IL34: variants seen among roughly 807,000 people sequenced by gnomAD.
IL34 encodes interleukin 34, also known as interleukin-34.
Under a neutral mutation model 25.3 loss-of-function variants are expected in IL34, and 17 were observed. The observed-to-expected ratio is 0.67, with a 90% CI of 0.46 to 1.01. The LOEUF is 1.01. Among genes scored for constraint, IL34 ranks in the 50% least tolerant of loss-of-function variants. The probability of loss-of-function intolerance (pLI) is 0.00; values close to 1 mark genes in which losing one functional copy is unlikely to be tolerated. For missense variants in IL34, 368 were observed against 312.9 expected, an observed-to-expected ratio of 1.18 and a Z score of -1.33; for synonymous variants, 174 against 140.9, an observed-to-expected ratio of 1.23 and a Z score of -1.66.
At chr16:70,598,030 G>C (rs1308230930) in intron 1 of IL34, among the ~76,000 whole-genome samples, 6 of 152,154 alleles carry the variant, frequency 3.9e-5, no homozygotes, top group Non-Finnish European at 8.8e-5. Context: ...ATTTTTAGTA[G>C]AGACGGGGTT....
Position 70,637,060 on chromosome 16 carries a change from C to T in IL34, c.-400-9488C>T, listed in dbSNP as rs540839420. Among the ~76,000 whole-genome samples the T allele has an allele frequency of 9.9e-5, 15 of 151,954 alleles. No homozygotes were observed. In the East Asian group the frequency reaches 2.2e-3, roughly 22 times the overall value. On this transcript the variant is annotated intron_variant, in intron 1 of 6. Coordinates refer to the IL34 transcript ENST00000429149. ...TATTTTTAGTAGAGACGGGGTTTTA[C>T]TGTGTTAGCCAGGATGGTCTCGATC...
intron 1 of IL34, among the ~76,000 whole-genome samples, chr16:70,636,134 G>T (rs1171786784): frequency 6.6e-6 from 1 of 151,874 alleles, no homozygotes; most frequent in African/African-American, 2.4e-5. Flanking sequence ...CACCTCCCAG[G>T]TTCAAGTAAT....
upstream of IL34, among the ~76,000 whole-genome samples, chr16:70,645,161 A>AGGAAGGAGG (rs1567461268): frequency 0.02 from 2,964 of 150,534 alleles, 104 homozygotes; most frequent in African/African-American, 0.07. Context: ...GGAGGAAGAG[A>AGGAAGGAGG]AGGAGGAAGA....
intron 1 of IL34, among the ~76,000 whole-genome samples, chr16:70,638,756 A>G (rs1290063106): frequency 6.6e-6 from 1 of 151,964 alleles, no homozygotes; most frequent in African/African-American, 2.4e-5. Context: ...TTAAAAAAAA[A>G]TTATTTGTAG....
At chr16:70,591,012 C>G (rs989400151) in intron 1 of IL34, among the ~76,000 whole-genome samples, 16 of 152,144 alleles carry the variant, frequency 1.1e-4, no homozygotes, top group African/African-American at 3.6e-4. Flanking sequence ...CCGGCCCCAG[C>G]CTGCTCGGGT....
At chr16:70,634,669 G>A (rs1284987558) in intron 1 of IL34, among the ~76,000 whole-genome samples, 1 of 147,586 alleles carries the variant, frequency 6.8e-6, no homozygotes, top group Non-Finnish European at 1.5e-5. Context: ...GACAGAGCGA[G>A]ATTCCGAATC....
At chr16:70,640,443 A>G (rs1025590832) in intron 1 of IL34, among the ~76,000 whole-genome samples, 1 of 151,786 alleles carries the variant, frequency 6.6e-6, no homozygotes, top group Admixed American at 6.6e-5. Flanking sequence ...GGCCAACAAG[A>G]TGAAACCCTG....
chr16:70,645,757 A>C (rs2051911326), upstream of IL34, among the ~76,000 whole-genome samples: 1 of 152,198 alleles, frequency 6.6e-6, no homozygotes, highest in South Asian at 2.1e-4. Flanking sequence ...CAGTGAATGT[A>C]AAGACCTTAG....
intron 1 of IL34, among the ~76,000 whole-genome samples, chr16:70,587,731 C>CAA (rs111712524): frequency 2.1e-5 from 3 of 142,662 alleles, no homozygotes; most frequent in African/African-American, 2.6e-5. Context: ...TGGCTGCTAT[C>CAA]AAAAAAAAAA....
At chr16:70,580,266 T>C (rs1567432428) in intron 1 of IL34, among the ~76,000 whole-genome samples, 1 of 152,332 alleles carries the variant, frequency 6.6e-6, no homozygotes, top group East Asian at 1.9e-4. Context: ...TTTTTAACCT[T>C]TGCCTTCATC....
intron 1 of IL34, among the ~76,000 whole-genome samples, chr16:70,616,493 C>G (rs538586529): frequency 2.0e-5 from 3 of 152,236 alleles, no homozygotes; most frequent in Admixed American, 1.3e-4. Flanking sequence ...CCGTCTTACT[C>G]ATATTGTTTT....
At chr16:70,648,040 G>A (rs1208982968) in intron 1 of IL34, among the ~76,000 whole-genome samples, 1 of 152,112 alleles carries the variant, frequency 6.6e-6, no homozygotes, top group Non-Finnish European at 1.5e-5. Context: ...CAGGCTGGGA[G>A]CTGGTTTGGA....
chr16:70,660,225 C>A lies in IL34; in HGVS notation c.*38C>A, dbSNP rs752692287. On this transcript the variant is annotated 3_prime_UTR_variant, in exon 6 of 6. Coordinates refer to ENST00000288098, the MANE Select transcript of IL34 (RefSeq NM_001393494.1). Reference sequence around the variant, plus strand: ...GTGACTGCGGATAGGGGCAGCCAGACCAGCTCCCACAGGAGTTCAACTGGG... The same window carrying A: ...GTGACTGCGGATAGGGGCAGCCAGAACAGCTCCCACAGGAGTTCAACTGGG... 2.0e-6 allele frequency: 3 copies of A among 1,510,536 alleles called. No homozygotes were observed. In the Admixed American group the frequency reaches 6.6e-5, roughly 33 times the overall value. The allele number at this position is 1,510,536 out of a possible 1,614,324, so 93.6% of individuals were successfully genotyped here.
intron 3 of IL34, 128 bp from the exon 4 acceptor site, chr16:70,656,832 G>T: frequency 8.6e-7 from 1 of 1,163,642 alleles, no homozygotes. Context: ...CCAGGCACAT[G>T]TTTGTCCACT....
intron 1 of IL34, among the ~76,000 whole-genome samples, chr16:70,602,341 C>A (rs543609307): frequency 7.9e-5 from 12 of 152,222 alleles, no homozygotes; most frequent in African/African-American, 2.9e-4. Flanking sequence ...AGAAAAGTTG[C>A]CAAACTTTCT....
chr16:70,659,657 C>T lies in IL34; in HGVS notation c.442C>T (p.Leu148Phe). ...VSPKVESVLS[L>F]LNAPGPNLKL... is the part of the protein sequence containing the mutation. ...CCCCAAGGTGGAATCCGTGTTGTCC[C>T]TCTTGAATGCCCCAGGGCCAAACCT... Residue 148 changes from leucine to phenylalanine, a missense_variant, in exon 5 of 6, where the codon CTC becomes TTC. Coordinates refer to ENST00000288098, the MANE Select transcript of IL34 (RefSeq NM_001393494.1). The T allele has an allele frequency of 1.2e-6, 2 of 1,612,988 alleles. No homozygotes were observed. Among genetic ancestry groups the T allele is most frequent in the African/African-American group, 1.3e-5 (1 of 75,018 alleles).
At position 70,646,843 on chromosome 16, in the gene IL34, G is replaced by A; in HGVS notation, c.-105G>A. 1 of 1,159,466 alleles carries A rather than the reference G, an allele frequency of 8.6e-7. No homozygotes were observed. Among genetic ancestry groups the A allele is most frequent in the South Asian group, 1.6e-5 (1 of 61,004 alleles). 71.8% of individuals were successfully genotyped at this position (1,159,466 alleles called of 1,614,324 possible). ...CCAGGGCCAGCCCTTCCCTGACTGA[G>A]TGACCACCTCTGCTGCCCCGAGGCC... On this transcript the variant is annotated 5_prime_UTR_variant, in exon 1 of 6. The change creates a new upstream start codon in the 5' untranslated region. Coordinates refer to ENST00000288098, the MANE Select transcript of IL34 (RefSeq NM_001393494.1).
At chr16:70,627,088 A>G (rs1171667584) in intron 1 of IL34, among the ~76,000 whole-genome samples, 2 of 152,100 alleles carry the variant, frequency 1.3e-5, no homozygotes, top group African/African-American at 4.8e-5. Context: ...TCAGCCTCCC[A>G]AAGTGCTGGG....
upstream of IL34, among the ~76,000 whole-genome samples, chr16:70,641,817 C>G (rs867047802): frequency 6.0e-4 from 89 of 148,212 alleles, no homozygotes; most frequent in Non-Finnish European, 9.9e-4. Context: ...TCCACCCCCC[C>G]GCAACCTCCC....
Sources: allele counts gnomAD v4.1 joint callset (sites outside exome capture counted in the v4.1 genomes callset), GRCh38; gene constraint gnomAD v4.1.1; transcripts MANE v1.5; gene names NCBI Gene and HGNC (gene_info 2026-07-23, HGNC 2026-07-21).